The following SLC22A15 variants were observed in gnomAD, a reference collection of about 807,000 sequenced individuals.
The protein encoded by SLC22A15 is solute carrier family 22 member 15, also known as flipt 1.
Under a neutral mutation model 62.7 loss-of-function variants are expected in SLC22A15, and 45 were observed. The ratio of observed to expected loss-of-function variants is 0.72; its 90% CI spans 0.56 to 0.92. The LOEUF is 0.92. Among genes scored for constraint, SLC22A15 ranks in the 40% least tolerant of loss-of-function variants. The pLI is 0.00. For missense variants in SLC22A15, 622 were observed against 665.6 expected, an observed-to-expected ratio of 0.93 and a Z score of 0.72; for synonymous variants, 264 against 267.0, an observed-to-expected ratio of 0.99 and a Z score of 0.11.
intron 2 of SLC22A15, among the ~76,000 whole-genome samples, chr1:116,010,456 T>TTA (rs951022726): frequency 1.2e-4 from 18 of 152,184 alleles, no homozygotes; most frequent in Non-Finnish European, 2.4e-4. Flanking sequence ...CTACTGACTG[T>TTA]TATAGCCTGC....
intron 8 of SLC22A15, among the ~76,000 whole-genome samples, chr1:116,052,744 T>A (rs1570769902): frequency 6.6e-6 from 1 of 152,254 alleles, no homozygotes; most frequent in East Asian, 1.9e-4. Flanking sequence ...GCATTCGCGG[T>A]TCACGAAAAT....
At chr1:116,051,209 A>G (rs151117777) in intron 8 of SLC22A15, among the ~76,000 whole-genome samples, 6,353 of 152,276 alleles carry the variant, frequency 0.042, 187 homozygotes, top group South Asian at 0.093. Context: ...ATTAGAAAAA[A>G]CAATTCTAAA....
chr1:116,009,009 GGT>G (rs1557883505), intron 2 of SLC22A15, among the ~76,000 whole-genome samples: 1 of 152,086 alleles, frequency 6.6e-6, no homozygotes, highest in Non-Finnish European at 1.5e-5. Context: ...CTTTATTGCT[GGT>G]CAAGCTCAAA....
chr1:116,060,852 C>T (rs57008061), intron 8 of SLC22A15, among the ~76,000 whole-genome samples: 6,689 of 152,286 alleles, frequency 0.044, 192 homozygotes, highest in African/African-American at 0.07. Context: ...CTAACATCGT[C>T]TTCCAAATAG....
chr1:116,013,234 C>T (rs1652870559), intron 2 of SLC22A15, among the ~76,000 whole-genome samples: 1 of 152,176 alleles, frequency 6.6e-6, no homozygotes, highest in Admixed American at 6.5e-5. Context: ...CCTGTTGTTC[C>T]CCAAGCACAC....
At chr1:115,981,231 A>T (rs1654595008) in intron 1 of SLC22A15, among the ~76,000 whole-genome samples, 1 of 152,164 alleles carries the variant, frequency 6.6e-6, no homozygotes, top group Admixed American at 6.5e-5. Context: ...TAAAAGACTA[A>T]CTGTCATCCC....
At chr1:116,035,446 C>T (rs984519447) in intron 7 of SLC22A15, 119 bp downstream of exon 7, 7 of 779,340 alleles carry the variant, frequency 9.0e-6, no homozygotes, top group African/African-American at 9.0e-5. Flanking sequence ...CAGCTGATTG[C>T]TCTGTGGTGA....
At chr1:116,049,665 G>A (rs1484190357) in intron 8 of SLC22A15, among the ~76,000 whole-genome samples, 1 of 151,948 alleles carries the variant, frequency 6.6e-6, no homozygotes. Context: ...GTACAAAGTG[G>A]CATTCTAAGG....
At chr1:116,056,360 A>G (rs199592954) in intron 8 of SLC22A15, among the ~76,000 whole-genome samples, 1 of 144,606 alleles carries the variant, frequency 6.9e-6, no homozygotes, top group African/African-American at 2.6e-5. Context: ...GACGTGAAGG[A>G]CCTCTTCAAG....
chr1:116,011,140 G>A (rs1656233032), intron 2 of SLC22A15, among the ~76,000 whole-genome samples: 2 of 152,210 alleles, frequency 1.3e-5, no homozygotes, highest in Admixed American at 6.5e-5. Flanking sequence ...GAGGGGCTAG[G>A]TACTACTGTC....
chr1:116,020,258 A>C (rs74949261), intron 3 of SLC22A15, among the ~76,000 whole-genome samples: 2,718 of 151,544 alleles, frequency 0.018, 34 homozygotes, highest in Middle Eastern at 0.065. Context: ...AAAAAAAAAA[A>C]AAACACACAG....
At chr1:115,997,302 A>T (rs987867182) in intron 2 of SLC22A15, among the ~76,000 whole-genome samples, 1 of 152,126 alleles carries the variant, frequency 6.6e-6, no homozygotes, top group African/African-American at 2.4e-5. Flanking sequence ...GTGGTTCCAT[A>T]TAAATTTTAG....
Position 116,064,515 on chromosome 1 carries a change from T to C in SLC22A15, c.1365+7T>C, listed in dbSNP as rs1446227255. The C allele has an allele frequency of 4.4e-6, 7 of 1,600,474 alleles. No homozygotes were observed. The highest frequency in any genetic ancestry group is 6.0e-6 in the Non-Finnish European group (7 of 1,167,894). On this transcript the variant is annotated splice_region_variant and intron_variant, in intron 10 of 11. Coordinates refer to ENST00000369503, the MANE Select transcript of SLC22A15 (RefSeq NM_018420.3). ...TCCCTTCATCCCCTCACTGGTTGGT[T>C]TGTACCTTCTAGTTTTGTTTTTCTT...
At chr1:116,004,436 C>T (rs910499271) in intron 2 of SLC22A15, among the ~76,000 whole-genome samples, 2 of 152,242 alleles carry the variant, frequency 1.3e-5, no homozygotes, top group African/African-American at 4.8e-5. Flanking sequence ...TTGTCAAATA[C>T]TTTTTCTACA....
At chr1:116,061,609 T>C (rs1570776357) in intron 8 of SLC22A15, among the ~76,000 whole-genome samples, 1 of 152,174 alleles carries the variant, frequency 6.6e-6, no homozygotes, top group African/African-American at 2.4e-5. Context: ...TGAGAACTTT[T>C]TTGCCTCATA....
intron 2 of SLC22A15, among the ~76,000 whole-genome samples, chr1:116,006,190 T>C (rs1655970023): frequency 6.6e-6 from 1 of 152,150 alleles, no homozygotes; most frequent in African/African-American, 2.4e-5. Flanking sequence ...TATTAACAAG[T>C]GTTCACTGAG....
chr1:115,983,118 A>G (rs1026987858), intron 1 of SLC22A15, among the ~76,000 whole-genome samples: 1 of 152,258 alleles, frequency 6.6e-6, no homozygotes. Context: ...TAGCACTTCT[A>G]AAAACATTTC....
At chr1:116,009,735 A>G (rs924641381) in intron 2 of SLC22A15, among the ~76,000 whole-genome samples, 2 of 152,200 alleles carry the variant, frequency 1.3e-5, no homozygotes, top group African/African-American at 4.8e-5. Context: ...GTACCTAAAC[A>G]TGTCACTAAG....
chr1:116,012,945 GAT>G (rs1344541144), intron 2 of SLC22A15, among the ~76,000 whole-genome samples: 4 of 152,146 alleles, frequency 2.6e-5, no homozygotes, highest in African/African-American at 9.7e-5. Context: ...GCAAACAAGT[GAT>G]ATTATTCTCT....
Sources: gnomAD v4.1 joint callset for allele counts (sites outside exome capture counted in the v4.1 genomes callset) on GRCh38, gnomAD v4.1.1 for gene constraint, MANE v1.5 for transcripts, NCBI Gene and HGNC (gene_info 2026-07-23, HGNC 2026-07-21) for gene names.